The following BCL2L1 variants were observed in gnomAD, a reference collection of about 807,000 sequenced individuals.
The protein encoded by BCL2L1 is BCL2 like 1, also known as bcl-2-like protein 1.
BCL2L1 carries 1 observed loss-of-function variant against 18.7 expected under a neutral mutation model. That is an observed-to-expected ratio of 0.05 (90% CI 0.02 to 0.25). BCL2L1 has a LOEUF of 0.25. Ranked by LOEUF, BCL2L1 falls within the 10% of genes least tolerant of loss-of-function variation. The pLI, the probability that BCL2L1 is intolerant of heterozygous loss-of-function variation, is 1.00. For synonymous variants in BCL2L1, 103 were observed against 122.7 expected (o/e 0.84, Z 1.06); for missense variants, 207 against 304.9 (o/e 0.68, Z 2.39).
Position 31,697,893 on chromosome 20 carries a change from T to TTTTTTTTTTTTTTGTTTGTTTGTTTG in BCL2L1, c.564+23761_564+23762insCAAACAAACAAACAAAAAAAAAAAAA, listed in dbSNP as rs1555871515. The stretch of plus-strand genomic sequence containing the variant: ...GAATCCTCAGCATGTGCTGTTGCTG[T>TTTTTTTTTTTTTTGTTTGTTTGTTTG]TTTTTTTTTTTTGAGACGGAGTCTC... On this transcript the variant is annotated intron_variant, in intron 2 of 2. Transcript: ENST00000307677. 2.0e-4 allele frequency among the ~76,000 whole-genome samples: 22 copies of TTTTTTTTTTTTTTGTTTGTTTGTTTG among 108,144 alleles called. 1 individual carries two copies. The highest frequency in any genetic ancestry group is 9.3e-4 in the African/African-American group (19 of 20,444). 70.9% of individuals were successfully genotyped at this position (108,144 alleles called of 152,430 possible).
At chr20:31,723,763 A>G (rs1326260295), upstream of BCL2L1, 2 of 985,180 alleles carry the variant, frequency 2.0e-6, no homozygotes, top group African/African-American at 1.8e-5. Context: ...GTGGGGGGCC[A>G]CATCCCCCTT....
intron 2 of BCL2L1, among the ~76,000 whole-genome samples, chr20:31,676,265 G>C (rs2060758418): frequency 6.6e-6 from 1 of 152,190 alleles, no homozygotes; most frequent in Non-Finnish European, 1.5e-5. Flanking sequence ...TGCTTCGTGT[G>C]TAAAGAATTT....
intron 2 of BCL2L1, among the ~76,000 whole-genome samples, chr20:31,716,269 T>G (rs1268179438): frequency 6.6e-6 from 1 of 152,188 alleles, no homozygotes; most frequent in Non-Finnish European, 1.5e-5. Context: ...CCCTTACACC[T>G]TCTTTGATCA....
At chr20:31,719,042 A>G (rs149356305) in intron 2 of BCL2L1, among the ~76,000 whole-genome samples, 7 of 152,324 alleles carry the variant, frequency 4.6e-5, no homozygotes, top group African/African-American at 1.7e-4. Context: ...TCAGTCACTT[A>G]GGCACAAAGA....
At chr20:31,709,784 G>A (rs1473508133) in intron 2 of BCL2L1, among the ~76,000 whole-genome samples, 4 of 144,422 alleles carry the variant, frequency 2.8e-5, no homozygotes, top group Admixed American at 7.4e-5. Context: ...GCAGTGAGCC[G>A]AGATCGTGCC....
chr20:31,699,423 T>C (rs763484563), intron 2 of BCL2L1, among the ~76,000 whole-genome samples: 1 of 152,204 alleles, frequency 6.6e-6, no homozygotes, highest in Non-Finnish European at 1.5e-5. Flanking sequence ...AAACAGGGGA[T>C]ACTCAGCTGG....
At chr20:31,715,503 T>C (rs1169597826) in intron 2 of BCL2L1, among the ~76,000 whole-genome samples, 21 of 152,174 alleles carry the variant, frequency 1.4e-4, no homozygotes, top group African/African-American at 4.1e-4. Flanking sequence ...TTCCCTCTGC[T>C]TTAAACACCC....
At chr20:31,696,681 G>C (rs2061176203) in intron 2 of BCL2L1, among the ~76,000 whole-genome samples, 1 of 152,208 alleles carries the variant, frequency 6.6e-6, no homozygotes, top group African/African-American at 2.4e-5. Context: ...GGGACGTCAA[G>C]GTGGGAGGAC....
chr20:31,710,089 C>G (rs201646120), intron 2 of BCL2L1, among the ~76,000 whole-genome samples: 1 of 152,096 alleles, frequency 6.6e-6, no homozygotes, highest in Non-Finnish European at 1.5e-5. Context: ...TATCAGACAC[C>G]GTGTGAGGTG....
Position 31,693,601 on chromosome 20 carries a change from T to C in BCL2L1, c.565-27515A>G, listed in dbSNP as rs1228237109. ...ACACTGGAGAACAGTGGCGCGATCA[T>C]AGCTTACTGCAGCCTTAAACTCCTG... is the stretch of plus-strand genomic sequence containing the variant. On this transcript the variant is annotated intron_variant, in intron 2 of 2. Transcript: ENST00000307677. 2.6e-5 allele frequency among the ~76,000 whole-genome samples: 4 copies of C among 152,282 alleles called. No homozygotes were observed. In the East Asian group the frequency reaches 5.8e-4, roughly 22 times the overall value.
chr20:31,682,616 T>C (rs972240455), intron 2 of BCL2L1, among the ~76,000 whole-genome samples: 3 of 151,936 alleles, frequency 2.0e-5, no homozygotes, highest in African/African-American at 7.3e-5. Context: ...TGGCTAATTT[T>C]TTTTTCTTTT....
chr20:31,665,784 T>C lies in BCL2L1; in HGVS notation c.*165A>G, dbSNP rs2060576899. The C allele has an allele frequency of 1.1e-6, 1 of 897,646 alleles. No individual in the cohort carries two copies. Among genetic ancestry groups the C allele is most frequent in the South Asian group, 1.8e-5 (1 of 56,696 alleles). 55.6% of individuals were successfully genotyped at this position (897,646 alleles called of 1,614,324 possible). ...GGGGGTCTCACAGAAGTGTGATAAA[T>C]TCTAGAAAACTAGCTGCAAGGGACC... On this transcript the variant is annotated 3_prime_UTR_variant, in exon 3 of 3. Coordinates refer to ENST00000307677, the MANE Select transcript of BCL2L1 (RefSeq NM_138578.3).
intron 2 of BCL2L1, chr20:31,720,772 C>A (rs1422617503): frequency 2.0e-6 from 2 of 985,298 alleles, no homozygotes; most frequent in Non-Finnish European, 2.4e-6. Context: ...GAACTTATAC[C>A]TGCATGTGAA....
intron 2 of BCL2L1, among the ~76,000 whole-genome samples, chr20:31,720,350 T>C (rs992428241): frequency 1.3e-5 from 2 of 152,216 alleles, no homozygotes; most frequent in Non-Finnish European, 2.9e-5. Context: ...CCATGGTGCA[T>C]GTCCCCTTCC....
intron 2 of BCL2L1, among the ~76,000 whole-genome samples, chr20:31,708,216 C>T (rs532028652): frequency 1.3e-5 from 2 of 152,292 alleles, no homozygotes; most frequent in South Asian, 4.1e-4. Flanking sequence ...CTCACCAACC[C>T]TCTAGAGAGA....
chr20:31,687,369 C>T (rs1392920459), intron 2 of BCL2L1, among the ~76,000 whole-genome samples: 25 of 151,906 alleles, frequency 1.6e-4, no homozygotes, highest in Non-Finnish European at 5.9e-5. Flanking sequence ...AGAAAATTCT[C>T]GGTCGGGCGC....
At chr20:31,723,859 C>T, upstream of BCL2L1, 3 of 985,504 alleles carry the variant, frequency 3.0e-6, no homozygotes, top group South Asian at 1.4e-4. Flanking sequence ...TGGCTGCCGG[C>T]CTACCTGGCT....
upstream of BCL2L1, chr20:31,723,759 G>T (rs1297848665): frequency 3.0e-6 from 3 of 985,394 alleles, no homozygotes; most frequent in South Asian, 4.7e-5. Flanking sequence ...AGCCGTGGGG[G>T]GCCACATCCC....
At chr20:31,693,075 A>C (rs928520714) in intron 2 of BCL2L1, among the ~76,000 whole-genome samples, 10 of 150,814 alleles carry the variant, frequency 6.6e-5, no homozygotes, top group South Asian at 2.1e-4. Context: ...TCTCAAAAAA[A>C]AAAAACAAAA....
Sources: gnomAD v4.1 joint callset for allele counts (sites outside exome capture counted in the v4.1 genomes callset) on GRCh38, gnomAD v4.1.1 for gene constraint, MANE v1.5 for transcripts, NCBI Gene and HGNC (gene_info 2026-07-23, HGNC 2026-07-21) for gene names.